The following ARHGAP32 variants were observed in gnomAD, a reference collection of about 807,000 sequenced individuals.
ARHGAP32 encodes rho GTPase-activating protein 32.
A neutral mutation model predicts 186.5 loss-of-function variants in ARHGAP32; 51 were observed. The ratio of observed to expected loss-of-function variants is 0.27; its 90% confidence interval spans 0.22 to 0.35. The LOEUF (loss-of-function observed/expected upper bound fraction) is 0.35. Among genes scored for constraint, ARHGAP32 ranks in the 10% least tolerant of loss-of-function variants. ARHGAP32 has a pLI of 1.00. For missense variants in ARHGAP32, 2,186 were observed against 2,623.5 expected (o/e 0.83, Z 3.64); for synonymous variants, 950 against 964.3 (o/e 0.99, Z 0.27).
chr11:129,043,094 G>C (rs1165666581), intron 10 of ARHGAP32, among the ~76,000 whole-genome samples: 1 of 152,178 alleles, frequency 6.6e-6, no homozygotes, highest in East Asian at 1.9e-4. Context: ...ATGCCTTGAG[G>C]TACCCTTCTG....
At chr11:129,201,370 G>C (rs936902678) in intron 1 of ARHGAP32, among the ~76,000 whole-genome samples, 2 of 152,036 alleles carry the variant, frequency 1.3e-5, no homozygotes, top group African/African-American at 2.4e-5. Flanking sequence ...GGTTTCACTG[G>C]ATCACTAACT....
At chr11:129,246,837 GT>G (rs1277420436) in intron 1 of ARHGAP32, among the ~76,000 whole-genome samples, 1 of 152,160 alleles carries the variant, frequency 6.6e-6, no homozygotes, top group African/African-American at 2.4e-5. Flanking sequence ...TCCTCTGCCT[GT>G]TTTCCTCCTC....
At chr11:129,136,553 T>G (rs987593388) in intron 2 of ARHGAP32, among the ~76,000 whole-genome samples, 1 of 151,990 alleles carries the variant, frequency 6.6e-6, no homozygotes, top group Non-Finnish European at 1.5e-5. Context: ...AGCAAGGAAG[T>G]GGAAAATTAT....
At chr11:129,232,905 T>C (rs1366514679) in intron 1 of ARHGAP32, among the ~76,000 whole-genome samples, 1 of 152,164 alleles carries the variant, frequency 6.6e-6, no homozygotes, top group South Asian at 2.1e-4. Flanking sequence ...CTTCCCTCTC[T>C]CTTCCACAAG....
intron 1 of ARHGAP32, among the ~76,000 whole-genome samples, chr11:129,254,262 T>C (rs1256254120): frequency 2.0e-5 from 3 of 152,026 alleles, no homozygotes; most frequent in Non-Finnish European, 2.9e-5. Context: ...AAAGTTAGTA[T>C]AGGGATCATA....
At chr11:129,066,307 T>G (rs572754771) in intron 7 of ARHGAP32, among the ~76,000 whole-genome samples, 1 of 152,192 alleles carries the variant, frequency 6.6e-6, no homozygotes, top group East Asian at 1.9e-4. Context: ...AAAGAATCTC[T>G]GTTTAGAAAT....
chr11:129,192,723 A>T (rs1944293800), upstream of ARHGAP32, among the ~76,000 whole-genome samples: 1 of 152,132 alleles, frequency 6.6e-6, no homozygotes, highest in Non-Finnish European at 1.5e-5. Context: ...GGACCTGCCT[A>T]GGTTCATGCC....
intron 1 of ARHGAP32, among the ~76,000 whole-genome samples, chr11:129,220,032 T>C (rs747766124): frequency 5.9e-5 from 9 of 152,248 alleles, no homozygotes; most frequent in Middle Eastern, 3.4e-3. Flanking sequence ...AAATTCTACT[T>C]TGGGCAAATG....
intron 1 of ARHGAP32, among the ~76,000 whole-genome samples, chr11:129,234,386 T>C (rs566579344): frequency 6.6e-5 from 10 of 152,178 alleles, no homozygotes; most frequent in African/African-American, 2.4e-4. Context: ...TATAAAAATA[T>C]ATATGTAAAA....
At chr11:129,033,897 G>A (rs1413729769) in intron 11 of ARHGAP32, among the ~76,000 whole-genome samples, 1 of 152,080 alleles carries the variant, frequency 6.6e-6, no homozygotes, top group East Asian at 1.9e-4. Flanking sequence ...ATAGACACAG[G>A]TTTGTTTCTG....
intron 1 of ARHGAP32, among the ~76,000 whole-genome samples, chr11:129,265,392 G>GT (rs1313298002): frequency 6.6e-6 from 1 of 152,218 alleles, no homozygotes; most frequent in Non-Finnish European, 1.5e-5. Context: ...CTGTGCAGGA[G>GT]TAATAGCAAA....
intron 1 of ARHGAP32, among the ~76,000 whole-genome samples, chr11:129,204,757 A>T (rs1944496056): frequency 6.6e-6 from 1 of 152,214 alleles, no homozygotes; most frequent in African/African-American, 2.4e-5. Context: ...ACAAAATTAC[A>T]GGCATTTTTC....
intron 1 of ARHGAP32, among the ~76,000 whole-genome samples, chr11:129,275,559 G>GT: frequency 6.6e-6 from 1 of 151,810 alleles, no homozygotes; most frequent in East Asian, 1.9e-4. Flanking sequence ...GCTAATTAAA[G>GT]TAAAAAAAAA....
upstream of ARHGAP32, among the ~76,000 whole-genome samples, chr11:129,194,901 CT>C (rs560949696): frequency 1.5e-5 from 2 of 136,120 alleles, no homozygotes; most frequent in South Asian, 2.4e-4. Context: ...GAATCTAGTT[CT>C]TTTTTTTCTA....
rs763675583 is a variant in ARHGAP32, at chr11:128,970,749, G to C, written c.4464C>G (p.Ser1488=). Residue 1488 remains serine, a synonymous_variant, in exon 23 of 23, where the codon TCC becomes TCG. Coordinates refer to ENST00000682385, the MANE Select transcript of ARHGAP32 (RefSeq NM_001378024.1). This position sits in a 1 kb window ranked among gnomAD's most constrained non-coding sequence, Gnocchi z 5.8. The stretch of plus-strand genomic sequence containing the variant: ...TGGTGACATCGGGCCTAGCAAAGGA[G>C]GAGTAAACTGTTTTCTGAGAAGCAT... The part of the protein sequence containing the change: ...PKHASQKTVY[S]SFARPDVTTE... 1 of 1,614,176 alleles carries C rather than the reference G, an allele frequency of 6.2e-7. No homozygotes were observed. The highest frequency in any genetic ancestry group is 8.5e-7 in the Non-Finnish European group (1 of 1,180,024).
chr11:129,218,268 C>A (rs1314927529), intron 1 of ARHGAP32, among the ~76,000 whole-genome samples: 1 of 152,160 alleles, frequency 6.6e-6, no homozygotes, highest in Non-Finnish European at 1.5e-5. Flanking sequence ...TAGCCCACTG[C>A]TAATGAAGTG....
intron 6 of ARHGAP32, among the ~76,000 whole-genome samples, chr11:129,085,639 C>T (rs563918477): frequency 2.0e-5 from 3 of 152,040 alleles, no homozygotes; most frequent in Non-Finnish European, 4.4e-5. Flanking sequence ...CCCAGAAAAA[C>T]CAAGACAACA....
At chr11:128,996,184 T>C (rs1354113172) in intron 12 of ARHGAP32, among the ~76,000 whole-genome samples, 2 of 152,208 alleles carry the variant, frequency 1.3e-5, no homozygotes, top group Non-Finnish European at 2.9e-5. Context: ...AAGATACATT[T>C]CCATGATTAC....
At chr11:129,164,142 T>C (rs1478315497) in intron 2 of ARHGAP32, among the ~76,000 whole-genome samples, 177 bp downstream of exon 2, 1 of 152,158 alleles carries the variant, frequency 6.6e-6, no homozygotes, top group Non-Finnish European at 1.5e-5. Flanking sequence ...CCTATTACTC[T>C]GCCCACAGAC....
Sources: gnomAD v4.1 joint callset for allele counts (sites outside exome capture counted in the v4.1 genomes callset) on GRCh38, gnomAD v4.1.1 for gene constraint, Gnocchi (gnomAD v3.1) non-coding constraint, MANE v1.5 for transcripts, NCBI Gene and HGNC (gene_info 2026-07-23, HGNC 2026-07-21) for gene names.